The following RALYL variants were observed in gnomAD, a reference collection of about 807,000 sequenced individuals.
The protein encoded by RALYL is RALY RNA binding protein like.
Under a neutral mutation model 35.1 loss-of-function variants are expected in RALYL, and 29 were observed. That is an observed-to-expected ratio of 0.83 (90% confidence interval 0.61 to 1.13). The LOEUF is 1.13. RALYL is among the 50% of genes most tolerant of loss of function. The pLI is 0.00. For missense variants in RALYL, 359 were observed against 360.4 expected (o/e 1.00, Z 0.03); for synonymous variants, 120 against 127.6 (o/e 0.94, Z 0.40).
intron 1 of RALYL, among the ~76,000 whole-genome samples, chr8:84,239,414 A>G (rs1053785887): frequency 6.6e-6 from 1 of 152,234 alleles, no homozygotes; most frequent in Non-Finnish European, 1.5e-5. Flanking sequence ...ACCTCAGTTA[A>G]TAATTTAAAA....
intron 2 of RALYL, among the ~76,000 whole-genome samples, chr8:84,556,877 A>G (rs553231369): frequency 1.6e-4 from 24 of 152,302 alleles, no homozygotes; most frequent in African/African-American, 5.3e-4. Flanking sequence ...AGCCTGAAAC[A>G]GAGACTCAGC....
chr8:84,364,565 G>A (rs1296772278), intron 1 of RALYL, among the ~76,000 whole-genome samples: 1 of 151,996 alleles, frequency 6.6e-6, no homozygotes, highest in African/African-American at 2.4e-5. Context: ...AACATGAAAA[G>A]TATGACCATG....
chr8:84,657,162 T>C, intron 2 of RALYL, among the ~76,000 whole-genome samples: 1 of 152,196 alleles, frequency 6.6e-6, no homozygotes, highest in Non-Finnish European at 1.5e-5. Flanking sequence ...ATTGCTGTTC[T>C]GTTGCAGTGG....
At chr8:84,477,415 A>G (rs1161191314) in intron 1 of RALYL, among the ~76,000 whole-genome samples, 1 of 149,486 alleles carries the variant, frequency 6.7e-6, no homozygotes, top group Non-Finnish European at 1.5e-5. Flanking sequence ...TTGATCATTT[A>G]TATAATGCTC....
rs996524856 is a variant in RALYL, at chr8:84,793,222, A to G, written c.333-11548A>G. Among the ~76,000 whole-genome samples, 9 of 152,298 alleles carry G rather than the reference A, an allele frequency of 5.9e-5. 1 individual carries two copies. Among genetic ancestry groups the G allele is most frequent in the African/African-American group, 2.2e-4 (9 of 41,574 alleles). On this transcript the variant is annotated intron_variant, in intron 3 of 8. Transcript: ENST00000521268. ...GAGAACAGAAAGGGGATAAGAAAAG[A>G]TAGAAAAGAGAAGAATTCCAAGGAC...
At chr8:84,700,401 A>G (rs1839975786) in intron 2 of RALYL, among the ~76,000 whole-genome samples, 2 of 152,168 alleles carry the variant, frequency 1.3e-5, no homozygotes. Context: ...ATAAAGGCTT[A>G]ATAATAAAAC....
intron 2 of RALYL, among the ~76,000 whole-genome samples, chr8:84,660,796 A>G (rs1162026980): frequency 6.6e-6 from 1 of 152,134 alleles, no homozygotes; most frequent in African/African-American, 2.4e-5. Flanking sequence ...GAGACTTCAT[A>G]TAGAACAAAT....
chr8:84,519,065 G>T (rs2058269649), intron 1 of RALYL, among the ~76,000 whole-genome samples: 1 of 152,130 alleles, frequency 6.6e-6, no homozygotes, highest in African/African-American at 2.4e-5. Flanking sequence ...TTTCTACATT[G>T]CTGTCTTCAT....
chr8:84,207,973 A>G (rs1342784980), intron 1 of RALYL, among the ~76,000 whole-genome samples: 1 of 152,136 alleles, frequency 6.6e-6, no homozygotes, highest in Non-Finnish European at 1.5e-5. Flanking sequence ...TCGCTCTTTG[A>G]AGAAGTTAGA....
chr8:84,548,351 T>C lies in RALYL; in HGVS notation c.256+18774T>C, dbSNP rs181046471. ...TCTGTCGCATGTTTACAGATACCTTTTTCTCCACTCATGTCATTGTAGGGA... is the reference window on the plus strand; with the variant it reads ...TCTGTCGCATGTTTACAGATACCTTCTTCTCCACTCATGTCATTGTAGGGA... On this transcript the variant is annotated intron_variant, in intron 2 of 8. Transcript: ENST00000521268. 2.4e-3 allele frequency among the ~76,000 whole-genome samples: 366 copies of C among 152,308 alleles called. 3 individuals are homozygous for C. Among genetic ancestry groups the C allele is most frequent in the African/African-American group, 8.3e-3 (347 of 41,592 alleles).
chr8:84,400,625 T>C (rs989837378), intron 1 of RALYL, among the ~76,000 whole-genome samples: 5 of 152,156 alleles, frequency 3.3e-5, no homozygotes, highest in Admixed American at 3.3e-4. Flanking sequence ...TTATATTTTG[T>C]AGGTGATTGT....
At chr8:84,773,989 C>A (rs777848864) in intron 2 of RALYL, among the ~76,000 whole-genome samples, 5 of 152,154 alleles carry the variant, frequency 3.3e-5, no homozygotes, top group Admixed American at 6.6e-5. Flanking sequence ...GAGGCTGAGG[C>A]AGGAGAATTG....
intron 8 of RALYL, among the ~76,000 whole-genome samples, chr8:84,895,956 A>G (rs1471991301): frequency 6.6e-6 from 1 of 152,226 alleles, no homozygotes; most frequent in African/African-American, 2.4e-5. Flanking sequence ...CAGCCTCTGC[A>G]TAGCTGCAAT....
At chr8:84,835,704 A>T (rs1212895665) in intron 4 of RALYL, among the ~76,000 whole-genome samples, 2 of 150,522 alleles carry the variant, frequency 1.3e-5, no homozygotes, top group Non-Finnish European at 3.0e-5. Context: ...AAAAAAAAAA[A>T]ATGGACATAC....
rs2050815985 is a variant in RALYL at position 84,461,796 on chromosome 8, A to G, written c.-23-67503A>G. Among the ~76,000 whole-genome samples the G allele has an allele frequency of 2.0e-5, 3 of 151,876 alleles. No homozygotes were observed. In the South Asian group the frequency reaches 6.2e-4, roughly 31 times the overall value. On this transcript the variant is annotated intron_variant, in intron 1 of 8. Coordinates refer to ENST00000521268, the MANE Select transcript of RALYL (RefSeq NM_173848.7). ...GAAATGTGGAAACATCTAAGCAGTA[A>G]GATTACATATAAGTCTTCATCCCCC...
chr8:84,552,358 A>ATTTTTTTTTTT lies in RALYL; in HGVS notation c.256+22800_256+22810dup, dbSNP rs1167949176. Among the ~76,000 whole-genome samples the ATTTTTTTTTTT allele has an allele frequency of 2.0e-4, 6 of 30,638 alleles. 1 individual carries two copies. The highest frequency in any genetic ancestry group is 5.5e-4 in the Admixed American group (1 of 1,824). 20.1% of individuals were successfully genotyped at this position (30,638 alleles called of 152,430 possible). ...TGTGTGTATATATATATATATATATATTTTTTTTTTTTTTTTTTTTTTTTT... is the reference window on the plus strand; with the variant it reads ...TGTGTGTATATATATATATATATATATTTTTTTTTTTTTTTTTTTTTTTTTTTTTTTTTTTT... On this transcript the variant is annotated intron_variant, in intron 2 of 8. Coordinates refer to ENST00000521268, the MANE Select transcript of RALYL (RefSeq NM_173848.7).
At chr8:84,484,276 C>T (rs1248028706) in intron 1 of RALYL, among the ~76,000 whole-genome samples, 5 of 152,048 alleles carry the variant, frequency 3.3e-5, no homozygotes, top group Non-Finnish European at 5.9e-5. Context: ...AAGAAAACCA[C>T]AGCAAGAAGG....
chr8:84,801,377 T>TTAAC (rs767710944), intron 3 of RALYL, among the ~76,000 whole-genome samples: 6 of 152,312 alleles, frequency 3.9e-5, no homozygotes, highest in African/African-American at 7.2e-5. Context: ...ATCAGAAGAC[T>TTAAC]TAACACAAAA....
intron 4 of RALYL, among the ~76,000 whole-genome samples, chr8:84,812,086 T>C (rs1826032436): frequency 6.6e-6 from 1 of 152,150 alleles, no homozygotes; most frequent in Non-Finnish European, 1.5e-5. Context: ...TTTTGTCATA[T>C]TACCAGAGTT....
Sources: gnomAD v4.1 joint callset for allele counts (sites outside exome capture counted in the v4.1 genomes callset) on GRCh38, gnomAD v4.1.1 for gene constraint, MANE v1.5 for transcripts, NCBI Gene and HGNC (gene_info 2026-07-23, HGNC 2026-07-21) for gene names.